TMEM278: variants seen among roughly 807,000 people sequenced by gnomAD.
The protein encoded by TMEM278 is transmembrane protein 88B.
chr1:1,427,884 C>T, the TMEM278 span: 75 of 1,167,838 alleles, frequency 6.4e-5, no homozygotes, highest in African/African-American at 1.3e-3. Flanking sequence ...CCCCGCTGCC[C>T]CTTCCTGGCT....
chr1:1,427,607 C>G, the TMEM278 span: 1 of 1,305,708 alleles, frequency 7.7e-7, no homozygotes, highest in Non-Finnish European at 9.7e-7. Flanking sequence ...ACCGCGGCTC[C>G]GCGGCGCTCA....
the TMEM278 span, chr1:1,427,717 C>T: frequency 7.6e-7 from 1 of 1,319,802 alleles, no homozygotes; most frequent in South Asian, 1.9e-5. Context: ...CCTCCGCCCG[C>T]TGGGACCCCC....
At chr1:1,426,069 T>G in the TMEM278 span, 1 of 1,308,746 alleles carries the variant, frequency 7.6e-7, no homozygotes, top group Non-Finnish European at 9.8e-7. Context: ...AGGGCAGCCC[T>G]GGAGAGCACC....
the TMEM278 span, chr1:1,426,106 A>G: frequency 7.3e-7 from 1 of 1,373,334 alleles, no homozygotes; most frequent in Non-Finnish European, 9.5e-7. Context: ...CGCCCGGGCC[A>G]CAGGCCTGCA....
At chr1:1,427,582 G>A in the TMEM278 span, 19 of 1,026,102 alleles carry the variant, frequency 1.9e-5, no homozygotes, top group South Asian at 3.5e-4. Context: ...CCCCGGTGCC[G>A]CGCGCTGTTC....
the TMEM278 span, among the ~76,000 whole-genome samples, chr1:1,426,993 C>T: frequency 2.5e-3 from 377 of 151,532 alleles, 10 homozygotes; most frequent in East Asian, 0.067. Context: ...CTCAGCACTG[C>T]CTGGCCCACA....
chr1:1,426,349 C>T, the TMEM278 span: 20 of 1,438,852 alleles, frequency 1.4e-5, no homozygotes, highest in East Asian at 4.7e-4. Context: ...TGCCCGCGGC[C>T]GCCGTCGTCT....
the TMEM278 span, among the ~76,000 whole-genome samples, chr1:1,428,153 G>A: frequency 1.6e-5 from 2 of 125,312 alleles, no homozygotes; most frequent in Admixed American, 7.7e-5. Flanking sequence ...GCAAAGAGAG[G>A]GGAGGTGAGG....
At chr1:1,428,573 C>A in the TMEM278 span, among the ~76,000 whole-genome samples, 1 of 152,184 alleles carries the variant, frequency 6.6e-6, no homozygotes, top group Non-Finnish European at 1.5e-5. Context: ...TCTGGAAATC[C>A]CTCAACAATT....
chr1:1,426,130 G>C, the TMEM278 span: 3 of 1,401,602 alleles, frequency 2.1e-6, no homozygotes, highest in Non-Finnish European at 2.8e-6. Context: ...GCAGGAGCAT[G>C]AGTGAGCAGG....
At chr1:1,428,251 G>A in the TMEM278 span, among the ~76,000 whole-genome samples, 2 of 151,622 alleles carry the variant, frequency 1.3e-5, no homozygotes, top group South Asian at 2.1e-4. Flanking sequence ...GAGGGGCGCA[G>A]GCCCCAGCCC....
the TMEM278 span, among the ~76,000 whole-genome samples, chr1:1,427,168 G>GCCCTGCACC: frequency 6.5e-5 from 7 of 107,088 alleles, no homozygotes; most frequent in African/African-American, 2.5e-4. Context: ...CCTCTCTCCC[G>GCCCTGCACC]CCCTGCACCC....
the TMEM278 span, chr1:1,426,003 G>A: frequency 1.1e-5 from 14 of 1,253,186 alleles, no homozygotes; most frequent in South Asian, 3.5e-5. Flanking sequence ...CAGGGTCCAC[G>A]GTCTGGCTGG....
the TMEM278 span, chr1:1,427,651 T>C: frequency 7.4e-7 from 1 of 1,344,970 alleles, no homozygotes; most frequent in South Asian, 1.8e-5. Flanking sequence ...CCGCCGCTGC[T>C]GGTGCTCGCC....
At chr1:1,426,317 G>A in the TMEM278 span, 25 of 1,478,180 alleles carry the variant, frequency 1.7e-5, no homozygotes, top group Middle Eastern at 2.4e-4. Context: ...GCTGCCCGCC[G>A]CAGCCTTCCT....
chr1:1,427,022 TC>T, the TMEM278 span, among the ~76,000 whole-genome samples: 1 of 23,778 alleles, frequency 4.2e-5, no homozygotes, highest in Non-Finnish European at 9.5e-5. Context: ...CCCCCTCCCC[TC>T]TCCCCGCCCT....
chr1:1,430,118 A>G, the TMEM278 span, among the ~76,000 whole-genome samples: 1 of 152,152 alleles, frequency 6.6e-6, no homozygotes, highest in Non-Finnish European at 1.5e-5. Flanking sequence ...TCAGCCTCCT[A>G]AAGTGTTGGG....
chr1:1,426,841 G>A, the TMEM278 span, among the ~76,000 whole-genome samples: 1 of 151,988 alleles, frequency 6.6e-6, no homozygotes, highest in African/African-American at 2.4e-5. Context: ...CTGCTGGCAC[G>A]GGGGCTGGCG....
the TMEM278 span, chr1:1,426,422 GT>G: frequency 5.2e-6 from 7 of 1,334,670 alleles, no homozygotes; most frequent in Non-Finnish European, 6.7e-6. Flanking sequence ...ACTAGCTGGG[GT>G]CCTGGGGAGT....
Sources: allele counts gnomAD v4.1 joint callset (sites outside exome capture counted in the v4.1 genomes callset), GRCh38; gene constraint gnomAD v4.1.1; transcripts MANE v1.5; gene names NCBI Gene and HGNC (gene_info 2026-07-23, HGNC 2026-07-21).